The following SPATA7 variants were observed in gnomAD, a reference collection of about 807,000 sequenced individuals.
SPATA7 encodes spermatogenesis associated 7, also known as spermatogenesis-associated protein 7.
A neutral mutation model predicts 51.8 loss-of-function variants in SPATA7; 43 were observed. That is an observed-to-expected ratio of 0.83 (90% CI 0.65 to 1.07). The LOEUF (loss-of-function observed/expected upper bound fraction) is 1.07. Ranked by LOEUF, SPATA7 falls within the 50% of genes least tolerant of loss-of-function variation. The pLI, the probability that SPATA7 is intolerant of heterozygous loss-of-function variation, is 0.00. For synonymous variants in SPATA7, 230 were observed against 252.8 expected, an observed-to-expected ratio of 0.91 and a Z score of 0.86; for missense variants, 683 against 701.3, an observed-to-expected ratio of 0.97 and a Z score of 0.30.
At chr14:88,453,598 G>A (rs915338413) in intron 3 of SPATA7, among the ~76,000 whole-genome samples, 11 of 152,040 alleles carry the variant, frequency 7.2e-5, no homozygotes, top group African/African-American at 1.4e-4. Context: ...TAAAGAGCTC[G>A]GACTAAATGA....
At chr14:88,399,605 C>T (rs1304295892) in intron 4 of SPATA7, among the ~76,000 whole-genome samples, 2 of 152,058 alleles carry the variant, frequency 1.3e-5, no homozygotes, top group Non-Finnish European at 2.9e-5. Context: ...TCTTCTGTAT[C>T]ATATTAGTAA....
chr14:88,454,312 C>T (rs553831747), intron 3 of SPATA7, among the ~76,000 whole-genome samples: 1 of 152,220 alleles, frequency 6.6e-6, no homozygotes, highest in South Asian at 2.1e-4. Flanking sequence ...AATCTCTTTA[C>T]TAAAGACCCT....
chr14:88,455,497 T>C (rs549966778), downstream of SPATA7, among the ~76,000 whole-genome samples: 1 of 152,308 alleles, frequency 6.6e-6, no homozygotes, highest in South Asian at 2.1e-4. Flanking sequence ...TTGAAACAGT[T>C]TTATGGCAAA....
At chr14:88,444,189 G>T (rs1217316729) in intron 3 of SPATA7, among the ~76,000 whole-genome samples, 3,340 of 151,140 alleles carry the variant, frequency 0.022, 140 homozygotes, top group African/African-American at 0.078. Flanking sequence ...ACTGGTGTGA[G>T]ATGGTATCTC....
chr14:88,402,671 A>G (rs1210970759), intron 4 of SPATA7, among the ~76,000 whole-genome samples: 1 of 152,142 alleles, frequency 6.6e-6, no homozygotes, highest in African/African-American at 2.4e-5. Context: ...GGATTTAAAA[A>G]CTTAAATATA....
chr14:88,425,163 G>A (rs894665219), intron 5 of SPATA7, among the ~76,000 whole-genome samples: 2 of 152,134 alleles, frequency 1.3e-5, no homozygotes, highest in African/African-American at 4.8e-5. Context: ...AGAAGTTGAT[G>A]TTAGGATTAA....
intron 4 of SPATA7, among the ~76,000 whole-genome samples, chr14:88,402,308 T>C (rs73321854): frequency 6.9e-4 from 105 of 152,024 alleles, no homozygotes; most frequent in African/African-American, 2.5e-3. Flanking sequence ...GTAAAATTCA[T>C]GTGGGACCAC....
At chr14:88,453,567 G>A (rs1401178177) in intron 3 of SPATA7, among the ~76,000 whole-genome samples, 3 of 152,118 alleles carry the variant, frequency 2.0e-5, no homozygotes, top group African/African-American at 4.8e-5. Context: ...CAGACCTCAC[G>A]GGGATGAAGG....
downstream of SPATA7, among the ~76,000 whole-genome samples, chr14:88,459,383 T>C (rs1361517889): frequency 6.6e-6 from 1 of 152,244 alleles, no homozygotes; most frequent in Non-Finnish European, 1.5e-5. Context: ...CTCTAAGGAC[T>C]TGCTTTATGA....
At chr14:88,442,373 T>C (rs2077183775), downstream of SPATA7, among the ~76,000 whole-genome samples, 1 of 151,800 alleles carries the variant, frequency 6.6e-6, no homozygotes, top group Admixed American at 6.6e-5. Context: ...TAGTTTTAGT[T>C]TGTAGTTTGT....
At chr14:88,399,059 AAAAAAAAG>A (rs2075983113) in intron 4 of SPATA7, among the ~76,000 whole-genome samples, 1 of 152,016 alleles carries the variant, frequency 6.6e-6, no homozygotes, top group African/African-American at 2.4e-5. Flanking sequence ...CTCAAAAAAA[AAAAAAAAG>A]AAAAAAAAGT....
intron 8 of SPATA7, among the ~76,000 whole-genome samples, chr14:88,430,164 A>G (rs1297531563): frequency 2.0e-5 from 3 of 152,082 alleles, no homozygotes; most frequent in Non-Finnish European, 4.4e-5. Flanking sequence ...AGGAAGGAGT[A>G]GAGATTAAAA....
intron 5 of SPATA7, 56 bp from the exon 6 acceptor site, chr14:88,426,176 C>T (rs1192422687): frequency 7.8e-7 from 1 of 1,274,064 alleles, no homozygotes; most frequent in Non-Finnish European, 1.1e-6. Flanking sequence ...ATCTCAAAAT[C>T]CCCAATTACA....
At chr14:88,399,863 T>C (rs754212085) in intron 4 of SPATA7, among the ~76,000 whole-genome samples, 4 of 152,088 alleles carry the variant, frequency 2.6e-5, no homozygotes, top group Non-Finnish European at 5.9e-5. Flanking sequence ...GAGGGAGAAA[T>C]TGACTTTAAT....
intron 4 of SPATA7, chr14:88,468,109 G>A: frequency 6.2e-7 from 1 of 1,612,252 alleles, no homozygotes; most frequent in Non-Finnish European, 8.5e-7. Flanking sequence ...CGCTTCACAT[G>A]ACTGGCCCCG....
chr14:88,466,555 TAAG>T (rs1405056280), intron 4 of SPATA7: 1 of 152,162 alleles, frequency 6.6e-6, no homozygotes, highest in Non-Finnish European at 1.5e-5. Flanking sequence ...AAGTTCACTG[TAAG>T]AAGAGACCCC....
chr14:88,468,066 A>AG, intron 4 of SPATA7: 1 of 1,549,206 alleles, frequency 6.5e-7, no homozygotes, highest in African/African-American at 1.4e-5. Flanking sequence ...GGAAAGTATG[A>AG]GTTAGGCAAG....
downstream of SPATA7, among the ~76,000 whole-genome samples, chr14:88,457,117 G>T (rs878979503): frequency 6.6e-6 from 1 of 152,050 alleles, no homozygotes; most frequent in Non-Finnish European, 1.5e-5. Context: ...ATGCTGTTTT[G>T]GTTACTATAG....
intron 4 of SPATA7, among the ~76,000 whole-genome samples, chr14:88,407,235 A>C (rs2139926775): frequency 6.6e-6 from 1 of 152,344 alleles, no homozygotes; most frequent in African/African-American, 2.4e-5. Context: ...TCCCACTAAC[A>C]GTGTAAAAGC....
Sources: allele counts gnomAD v4.1 joint callset (sites outside exome capture counted in the v4.1 genomes callset), GRCh38; gene constraint gnomAD v4.1.1; transcripts MANE v1.5; gene names NCBI Gene and HGNC (gene_info 2026-07-23, HGNC 2026-07-21).